The following TNFRSF10C variants were observed in gnomAD, a reference collection of about 807,000 sequenced individuals.
TNFRSF10C encodes the protein tumor necrosis factor receptor superfamily member 10C.
Under a neutral mutation model 16.7 loss-of-function variants are expected in TNFRSF10C, and 17 were observed. The ratio of observed to expected loss-of-function variants is 1.02; its 90% CI spans 0.70 to 1.53. The LOEUF (loss-of-function observed/expected upper bound fraction) is 1.53. TNFRSF10C is among the 40% of genes most tolerant of loss of function. The pLI, the probability that TNFRSF10C is intolerant of heterozygous loss-of-function variation, is 0.00. For synonymous variants in TNFRSF10C, 73 were observed against 119.7 expected (o/e 0.61, Z 2.55); for missense variants, 237 against 329.7 (o/e 0.72, Z 2.18).
Position 23,114,727 on chromosome 8 carries a change from C to T in TNFRSF10C, c.237C>T (p.Ser79=), listed in dbSNP as rs772871441. 1 of 1,614,074 alleles carries T rather than the reference C, an allele frequency of 6.2e-7. No individual in the cohort carries two copies. The highest frequency in any genetic ancestry group is 1.1e-5 in the South Asian group (1 of 91,084). Residue 79 remains serine (S), a synonymous_variant, in exon 3 of 5, where the codon TCC becomes TCT. Coordinates refer to ENST00000356864, the MANE Select transcript of TNFRSF10C (RefSeq NM_003841.5). ...CTEGVDYTNA[S]NNEPSCFPCT... is the part of the protein sequence containing the mutation. ...AGGGTGTGGATTACACCAACGCTTC[C>T]AACAATGAACCTTCTTGCTTCCCAT... is the stretch of plus-strand genomic sequence containing the variant.
intron 1 of TNFRSF10C, among the ~76,000 whole-genome samples, chr8:23,107,555 T>C (rs1283554925): frequency 2.0e-5 from 3 of 152,248 alleles, no homozygotes; most frequent in Non-Finnish European, 4.4e-5. Flanking sequence ...CACTTGAGTG[T>C]ATACTGTATT....
chr8:23,103,288 C>A, intron 1 of TNFRSF10C, 107 bp downstream of exon 1: 1 of 1,522,012 alleles, frequency 6.6e-7, no homozygotes, highest in Non-Finnish European at 8.9e-7. Flanking sequence ...CACCTGCGGC[C>A]GGGCATGTCC....
intron 1 of TNFRSF10C, among the ~76,000 whole-genome samples, chr8:23,109,991 G>A (rs1289438963): frequency 2.9e-5 from 4 of 140,176 alleles, no homozygotes; most frequent in African/African-American, 1.1e-4. Context: ...AGGCAGAGGA[G>A]GCAAAGGTTG....
At chr8:23,103,204 G>T in intron 1 of TNFRSF10C, 23 bp downstream of exon 1, 1 of 1,604,030 alleles carries the variant, frequency 6.2e-7, no homozygotes, top group Non-Finnish European at 8.5e-7. Context: ...CGCGGTCCCT[G>T]GCTGGGGAAG....
chr8:23,107,821 AAG>A (rs1813805990), intron 1 of TNFRSF10C, among the ~76,000 whole-genome samples: 1 of 152,224 alleles, frequency 6.6e-6, no homozygotes, highest in African/African-American at 2.4e-5. Context: ...CTGAGAAAGC[AAG>A]ACTCAACTAT....
chr8:23,112,112 A>G (rs1011020270), intron 2 of TNFRSF10C, among the ~76,000 whole-genome samples: 1 of 152,186 alleles, frequency 6.6e-6, no homozygotes, highest in Non-Finnish European at 1.5e-5. Flanking sequence ...GGTTGCAACA[A>G]ACCACAGATC....
intron 1 of TNFRSF10C, among the ~76,000 whole-genome samples, chr8:23,104,928 T>A (rs760336113): frequency 7.9e-5 from 12 of 152,158 alleles, no homozygotes; most frequent in Non-Finnish European, 1.5e-4. Flanking sequence ...CCACCATGCC[T>A]GTGAATGGAG....
intron 1 of TNFRSF10C, 115 bp downstream of exon 1, chr8:23,103,296 T>G (rs1175010120): frequency 1.3e-6 from 2 of 1,519,992 alleles, no homozygotes; most frequent in East Asian, 4.9e-5. Flanking sequence ...GCCGGGCATG[T>G]CCGGGCAGGA....
At chr8:23,111,141 T>A (rs2128830879) in intron 1 of TNFRSF10C, among the ~76,000 whole-genome samples, 1 of 152,222 alleles carries the variant, frequency 6.6e-6, no homozygotes, top group African/African-American at 2.4e-5. Flanking sequence ...CTCTTCTTGC[T>A]CCCATTATCT....
chr8:23,114,614 A>G (rs1206844949), intron 2 of TNFRSF10C, 43 bp from the exon 3 acceptor site: 29 of 1,516,740 alleles, frequency 1.9e-5, no homozygotes, highest in Non-Finnish European at 2.6e-5. Context: ...GCCTCTGGGA[A>G]TTCTGTGGTG....
At chr8:23,111,571 A>C in intron 1 of TNFRSF10C, 149 bp from the exon 2 acceptor site, 1 of 668,890 alleles carries the variant, frequency 1.5e-6, no homozygotes, top group Non-Finnish European at 2.7e-6. Flanking sequence ...AGGGACAAAC[A>C]CAGGTATGAA....
At chr8:23,108,746 G>A (rs1249765584) in intron 1 of TNFRSF10C, among the ~76,000 whole-genome samples, 4 of 152,202 alleles carry the variant, frequency 2.6e-5, no homozygotes, top group Admixed American at 2.6e-4. Flanking sequence ...AAAGTGGCAA[G>A]CGATCTGCAC....
At chr8:23,114,834 C>A in intron 3 of TNFRSF10C, 64 bp downstream of exon 3, 1 of 1,424,996 alleles carries the variant, frequency 7.0e-7, no homozygotes, top group Non-Finnish European at 9.9e-7. Flanking sequence ...GGAGTTGTAG[C>A]CGATATGAGT....
intron 4 of TNFRSF10C, among the ~76,000 whole-genome samples, 154 bp downstream of exon 4, chr8:23,115,770 C>G (rs1191069044): frequency 6.6e-6 from 1 of 152,106 alleles, no homozygotes; most frequent in Admixed American, 6.5e-5. Context: ...AGTGGCCGCT[C>G]CTGGTCCATC....
intron 1 of TNFRSF10C, among the ~76,000 whole-genome samples, chr8:23,105,430 G>C (rs1813758007): frequency 6.6e-6 from 1 of 152,188 alleles, no homozygotes; most frequent in African/African-American, 2.4e-5. Context: ...TGAGCTTGGG[G>C]CAGAAGCTTC....
At chr8:23,110,445 A>G (rs912347265) in intron 1 of TNFRSF10C, among the ~76,000 whole-genome samples, 5 of 152,266 alleles carry the variant, frequency 3.3e-5, no homozygotes, top group African/African-American at 4.8e-5. Flanking sequence ...TACAAAAACT[A>G]TACAATAAAA....
chr8:23,105,604 T>C (rs1211535716), intron 1 of TNFRSF10C, among the ~76,000 whole-genome samples: 3 of 151,654 alleles, frequency 2.0e-5, no homozygotes, highest in Admixed American at 6.6e-5. Context: ...GTTTGAAGAG[T>C]GAGCAGGAAA....
At chr8:23,111,933 G>A in intron 2 of TNFRSF10C, 108 bp downstream of exon 2, 1 of 1,147,268 alleles carries the variant, frequency 8.7e-7, no homozygotes, top group Non-Finnish European at 1.2e-6. Flanking sequence ...ATTGTGGAAT[G>A]GCTAAATCAA....
In TNFRSF10C at chr8:23,103,182, G is replaced by C. The variant is rs780177028; in HGVS notation, c.60+1G>C. 2 of 1,610,208 alleles carry C rather than the reference G, an allele frequency of 1.2e-6. No individual in the cohort carries two copies. The highest frequency in any genetic ancestry group is 2.2e-5 in the South Asian group (2 of 90,130). Reference sequence around the variant, plus strand: ...CGTCATCGTCGCGGTCCTGCTGCCAGTGAGTCCCGGCCGCGGTCCCTGGCT... The same window carrying C: ...CGTCATCGTCGCGGTCCTGCTGCCACTGAGTCCCGGCCGCGGTCCCTGGCT... On this transcript the variant is annotated splice_donor_variant, in intron 1 of 4. Transcript: ENST00000356864. LOFTEE classifies it high-confidence loss of function.
Sources: gnomAD v4.1 joint callset for allele counts (sites outside exome capture counted in the v4.1 genomes callset) on GRCh38, gnomAD v4.1.1 for gene constraint, MANE v1.5 for transcripts, NCBI Gene and HGNC (gene_info 2026-07-23, HGNC 2026-07-21) for gene names.